The following GARRE1 variants were observed in gnomAD, a reference collection of about 807,000 sequenced individuals.
GARRE1 encodes the protein granule associated Rac and RHOG effector protein 1.
In GARRE1, 49 loss-of-function variants were observed where a neutral mutation model predicts 103.2. That is an observed-to-expected ratio of 0.47 (90% CI 0.38 to 0.60). The LOEUF (loss-of-function observed/expected upper bound fraction) is 0.60. GARRE1 is among the 20% of genes least tolerant of loss of function. GARRE1 has a pLI of 0.00. For synonymous variants in GARRE1, 505 were observed against 532.8 expected, an observed-to-expected ratio of 0.95 and a Z score of 0.72; for missense variants, 1,199 against 1,370.5, an observed-to-expected ratio of 0.87 and a Z score of 1.98.
At chr19:34,272,479 G>A (rs1568524661) in intron 1 of GARRE1, among the ~76,000 whole-genome samples, 2 of 152,152 alleles carry the variant, frequency 1.3e-5, no homozygotes, top group Non-Finnish European at 2.9e-5. Flanking sequence ...GATTACAGGC[G>A]TGAGCTACCG....
chr19:34,322,744 C>T (rs550915441), intron 3 of GARRE1, among the ~76,000 whole-genome samples: 2 of 151,810 alleles, frequency 1.3e-5, no homozygotes, highest in East Asian at 1.9e-4. Context: ...CCCGCCACCA[C>T]GCCCAGCTAA....
rs569032237 is a variant in GARRE1 at position 34,309,931 on chromosome 19, C to T, written c.495+8963C>T. 3.3e-5 allele frequency among the ~76,000 whole-genome samples: 5 copies of T among 152,104 alleles called. No homozygotes were observed. In the South Asian group the frequency reaches 1.0e-3, roughly 32 times the overall value. On this transcript the variant is annotated intron_variant, in intron 2 of 13. Transcript: ENST00000299505. The stretch of plus-strand genomic sequence containing the variant: ...AAAAATGAAGAGAGTAAAAGTGAAT[C>T]AAAGGAGAAAATGGGAACAGAGAAA...
intron 8 of GARRE1, among the ~76,000 whole-genome samples, chr19:34,338,027 G>A (rs2074168926): frequency 6.6e-6 from 1 of 152,216 alleles, no homozygotes; most frequent in Non-Finnish European, 1.5e-5. Context: ...AGCTTGCGTT[G>A]TTGTTCACCC....
chr19:34,324,606 A>G (rs984084343), intron 3 of GARRE1, among the ~76,000 whole-genome samples: 13 of 151,688 alleles, frequency 8.6e-5, no homozygotes, highest in Admixed American at 2.0e-4. Context: ...GGCTCAAGCA[A>G]TCCTCCTGAG....
At position 34,339,895 on chromosome 19, in the gene GARRE1, T is replaced by G. The variant is rs1211002427; in HGVS notation, c.1390T>G (p.Ser464Ala). Reference sequence around the variant, plus strand: ...CCTGAAAGAAGACCCTGCTACCATGTCCCTGCTGCAGAGAAGCCTTGATCC... The same window carrying G: ...CCTGAAAGAAGACCCTGCTACCATGGCCCTGCTGCAGAGAAGCCTTGATCC... Reference protein sequence around the residue: ...WCLKEDPATMSLLQRSLDPEK... With the variant: ...WCLKEDPATMALLQRSLDPEK... Residue 464 changes from serine to alanine, a missense_variant, in exon 9 of 14, where the codon TCC becomes GCC. Ser to Ala is a moderately conservative substitution (Grantham distance 99). Transcript: ENST00000299505. 2 of 1,614,124 alleles carry G rather than the reference T, an allele frequency of 1.2e-6. No homozygotes were observed. Among genetic ancestry groups the G allele is most frequent in the Non-Finnish European group, 1.7e-6 (2 of 1,180,034 alleles).
chr19:34,344,117 CA>C (rs994254029), intron 10 of GARRE1, among the ~76,000 whole-genome samples: 19 of 151,662 alleles, frequency 1.3e-4, no homozygotes, highest in Middle Eastern at 3.4e-3. Context: ...ACCCCCCCCA[CA>C]AAAAAAACCA....
At chr19:34,258,821 T>C (rs1358352597) in intron 1 of GARRE1, among the ~76,000 whole-genome samples, 5 of 151,722 alleles carry the variant, frequency 3.3e-5, no homozygotes, top group Non-Finnish European at 5.9e-5. Context: ...TATCACTTCT[T>C]TGCGAGGACA....
At chr19:34,301,829 C>T (rs1302946667) in intron 2 of GARRE1, among the ~76,000 whole-genome samples, 3 of 149,542 alleles carry the variant, frequency 2.0e-5, no homozygotes, top group Admixed American at 6.7e-5. Flanking sequence ...ACTACAGGCA[C>T]CCGCCACCTC....
At chr19:34,260,980 C>T (rs149662177) in intron 1 of GARRE1, among the ~76,000 whole-genome samples, 53 of 152,272 alleles carry the variant, frequency 3.5e-4, no homozygotes, top group African/African-American at 1.3e-3. Flanking sequence ...GTGTGTAGCA[C>T]TCTCTGGGGG....
In GARRE1 at chr19:34,320,121, C is replaced by T. The variant is rs1599771301; in HGVS notation, c.705+5C>T. On this transcript the variant is annotated splice_donor_5th_base_variant and intron_variant, in intron 3 of 13. Transcript: ENST00000299505. ...TCCTGGCGGGGGGCTGCTGAGGTAA[C>T]CCTGGCTTTGGGGAGATTGGTGCCT... 1.9e-6 allele frequency: 3 copies of T among 1,612,774 alleles called. No individual in the cohort carries two copies. Among genetic ancestry groups the T allele is most frequent in the African/African-American group, 2.7e-5 (2 of 74,918 alleles).
At chr19:34,270,712 C>T (rs1252340781) in intron 1 of GARRE1, among the ~76,000 whole-genome samples, 1 of 152,146 alleles carries the variant, frequency 6.6e-6, no homozygotes, top group Admixed American at 6.5e-5. Context: ...AGCTTATGGA[C>T]CCGTTATAGC....
At chr19:34,351,658 C>T (rs2074238118) in intron 13 of GARRE1, 66 bp downstream of exon 13, 7 of 1,114,292 alleles carry the variant, frequency 6.3e-6, no homozygotes, top group Non-Finnish European at 9.5e-6. Flanking sequence ...TTCAGAGGGC[C>T]TCAAAGTAAT....
chr19:34,271,440 G>A, intron 1 of GARRE1, among the ~76,000 whole-genome samples: 1 of 151,880 alleles, frequency 6.6e-6, no homozygotes, highest in East Asian at 1.9e-4. Context: ...AGTAGAGACA[G>A]GGTTTCACCA....
chr19:34,306,126 C>G (rs1293460798), intron 2 of GARRE1, among the ~76,000 whole-genome samples: 1 of 152,190 alleles, frequency 6.6e-6, no homozygotes, highest in Non-Finnish European at 1.5e-5. Flanking sequence ...GATGAAATGG[C>G]TAGGCATTTG....
At chr19:34,284,811 G>A (rs931583067) in intron 1 of GARRE1, among the ~76,000 whole-genome samples, 8 of 152,174 alleles carry the variant, frequency 5.3e-5, no homozygotes, top group Non-Finnish European at 1.2e-4. Context: ...ACATATTTTA[G>A]CCTGACAGGC....
intron 1 of GARRE1, among the ~76,000 whole-genome samples, chr19:34,288,582 A>G (rs757189062): frequency 2.0e-5 from 3 of 151,936 alleles, no homozygotes; most frequent in Non-Finnish European, 4.4e-5. Flanking sequence ...ACATTTCTCT[A>G]CCTCTCATAT....
chr19:34,264,491 C>A (rs890425484), intron 1 of GARRE1, among the ~76,000 whole-genome samples: 9 of 152,146 alleles, frequency 5.9e-5, no homozygotes, highest in Non-Finnish European at 1.3e-4. Context: ...CTCTGCCTCC[C>A]CGGTTCACGC....
intron 2 of GARRE1, among the ~76,000 whole-genome samples, chr19:34,305,560 G>C (rs1038809416): frequency 2.0e-5 from 3 of 152,182 alleles, no homozygotes; most frequent in Admixed American, 6.5e-5. Context: ...ATGCTTGCAG[G>C]TATTGGAGGA....
chr19:34,282,911 T>C (rs1417700246), intron 1 of GARRE1, among the ~76,000 whole-genome samples: 1 of 152,238 alleles, frequency 6.6e-6, no homozygotes, highest in Non-Finnish European at 1.5e-5. Flanking sequence ...TAATATAGTT[T>C]CCTCTGCTTT....
Sources: allele counts gnomAD v4.1 joint callset (sites outside exome capture counted in the v4.1 genomes callset), GRCh38; gene constraint gnomAD v4.1.1; transcripts MANE v1.5; gene names NCBI Gene and HGNC (gene_info 2026-07-23, HGNC 2026-07-21).